FGD5: variants seen among roughly 807,000 people sequenced by gnomAD.
FGD5 encodes the protein FYVE, RhoGEF and PH domain containing 5.
Under a neutral mutation model 133.4 loss-of-function variants are expected in FGD5, and 28 were observed. The ratio of observed to expected loss-of-function variants is 0.21; its 90% confidence interval spans 0.16 to 0.29. The LOEUF is 0.29. Among genes scored for constraint, FGD5 ranks in the 10% least tolerant of loss-of-function variants. The pLI is 1.00. For missense variants in FGD5, 1,858 were observed against 1,895.2 expected (o/e 0.98, Z 0.36); for synonymous variants, 810 against 776.5 (o/e 1.04, Z -0.72).
chr3:14,925,399 A>ACCT (rs139995887), intron 17 of FGD5, among the ~76,000 whole-genome samples: 3,283 of 152,268 alleles, frequency 0.022, 116 homozygotes, highest in African/African-American at 0.073. Context: ...ATATGTATAA[A>ACCT]CCTCACATTT....
At position 14,821,421 on chromosome 3, in the gene FGD5, T is replaced by C; in HGVS notation, c.2350T>C (p.Tyr784His). 1 of 1,614,000 alleles carries C rather than the reference T, an allele frequency of 6.2e-7. No homozygotes were observed. The highest frequency in any genetic ancestry group is 1.1e-5 in the South Asian group (1 of 91,086). ...GAACATTCCAGCCATGAACTCGGAC[T>C]ATGAGAATATCCAGATTCCACCCCG... ...YENIPAMNSD[Y>H]ENIQIPPRRP... The change falls in exon 1 of 20, where the codon TAT becomes CAT. Residue 784 changes from tyrosine to histidine, a missense_variant. By Grantham distance (83) the Tyr-to-His change is moderately conservative. Coordinates refer to ENST00000285046, the MANE Select transcript of FGD5 (RefSeq NM_152536.4).
At chr3:14,875,580 C>G (rs898516579) in intron 2 of FGD5, among the ~76,000 whole-genome samples, 1 of 152,082 alleles carries the variant, frequency 6.6e-6, no homozygotes, top group Non-Finnish European at 1.5e-5. Context: ...TTTCTGTAAG[C>G]GCTGGGAGCC....
rs1248246525 is a variant in FGD5, at chr3:14,819,462, C to A, written c.391C>A (p.Leu131Met). The stretch of plus-strand genomic sequence containing the variant: ...CCCTGCTGCTCCGGGTGCAGGAGCG[C>A]TGAGCAGGGAGGGTGAGGAAGGCAC... ...VAPAAPGAGA[L>M]SREGEEGTDL... Residue 131 changes from leucine to methionine, a missense_variant, in exon 1 of 20, where the codon CTG (leucine) becomes ATG (methionine). Leu to Met is a conservative substitution (Grantham distance 15). Around this residue, in one of 3 missense-constraint regions of FGD5, gnomAD observed 1,824 missense variants for 1,848.9 expected, o/e 0.99. Coordinates refer to ENST00000285046, the MANE Select transcript of FGD5 (RefSeq NM_152536.4). This position sits in a 1 kb window ranked among gnomAD's most constrained non-coding sequence, Gnocchi z 4.1. The A allele has an allele frequency of 6.4e-7, 1 of 1,550,806 alleles. No homozygotes were observed. Among genetic ancestry groups the A allele is most frequent in the African/African-American group, 1.4e-5 (1 of 72,984 alleles).
chr3:14,891,521 G>C (rs570235994), intron 4 of FGD5, among the ~76,000 whole-genome samples: 1 of 152,334 alleles, frequency 6.6e-6, no homozygotes, highest in East Asian at 1.9e-4. Context: ...GAGGGTTTCT[G>C]ACCTTCACGT....
chr3:14,908,949 T>TATTTATTTATTC (rs1553630948), intron 10 of FGD5, among the ~76,000 whole-genome samples: 1 of 141,024 alleles, frequency 7.1e-6, no homozygotes, highest in Non-Finnish European at 1.6e-5. Context: ...TTTATTTATT[T>TATTTATTTATTC]ATTCATTCAT....
intron 1 of FGD5, among the ~76,000 whole-genome samples, chr3:14,832,232 T>C (rs376890752): frequency 3.3e-5 from 5 of 152,200 alleles, no homozygotes; most frequent in Admixed American, 2.6e-4. Flanking sequence ...CCTTGTACTT[T>C]CTGCTGGGAG....
intron 17 of FGD5, 96 bp from the exon 18 acceptor site, chr3:14,925,974 C>T: frequency 6.6e-7 from 1 of 1,509,694 alleles, no homozygotes; most frequent in Non-Finnish European, 8.9e-7. Context: ...TATAAGTAGT[C>T]AGCCAAATGG....
intron 1 of FGD5, among the ~76,000 whole-genome samples, chr3:14,853,471 C>T (rs957661339): frequency 6.6e-6 from 1 of 151,196 alleles, no homozygotes; most frequent in African/African-American, 2.4e-5. Context: ...CCCCCTTCCC[C>T]TCCCTGCTGG....
At chr3:14,817,427 C>T (rs959623099), upstream of FGD5, among the ~76,000 whole-genome samples, 1 of 152,182 alleles carries the variant, frequency 6.6e-6, no homozygotes, top group African/African-American at 2.4e-5. Flanking sequence ...AACTCCTGAC[C>T]TCAAGTGATC....
chr3:14,918,697 G>C (rs2117776), intron 12 of FGD5, 57 bp from the exon 13 acceptor site: 5 of 1,545,220 alleles, frequency 3.2e-6, no homozygotes, highest in Non-Finnish European at 4.5e-6. Flanking sequence ...AGGAGAAGCC[G>C]GTCTACACTT....
intron 1 of FGD5, among the ~76,000 whole-genome samples, chr3:14,842,902 C>A (rs60573957): frequency 3.9e-5 from 6 of 151,934 alleles, no homozygotes; most frequent in African/African-American, 1.5e-4. Flanking sequence ...AAACCCTGGC[C>A]CCTCTGTCTG....
chr3:14,837,260 G>A (rs992679623), intron 1 of FGD5, among the ~76,000 whole-genome samples: 1 of 152,214 alleles, frequency 6.6e-6, no homozygotes, highest in African/African-American at 2.4e-5. Context: ...GGAGGCTGCT[G>A]TCTCCATGGC....
chr3:14,857,748 A>C (rs1268703846), intron 1 of FGD5, among the ~76,000 whole-genome samples: 1 of 152,080 alleles, frequency 6.6e-6, no homozygotes, highest in Admixed American at 6.5e-5. Context: ...CATTGTTCTG[A>C]TGGGCTATTC....
Position 14,910,897 on chromosome 3 carries a change from G to A in FGD5, c.3373G>A (p.Gly1125Arg). 1 of 1,613,470 alleles carries A rather than the reference G, an allele frequency of 6.2e-7. No individual in the cohort carries two copies. The highest frequency in any genetic ancestry group is 8.5e-7 in the Non-Finnish European group (1 of 1,179,678). The change falls in exon 11 of 20, where the codon GGG becomes AGG. Residue 1125 changes from glycine to arginine, a missense_variant. Coordinates refer to ENST00000285046, the MANE Select transcript of FGD5 (RefSeq NM_152536.4). Reference sequence around the variant, plus strand: ...GGAAGGGACGCTGATGAAAGTAACAGGGAAAAACAGACGGCCCCGGCACCT... The same window carrying A: ...GGAAGGGACGCTGATGAAAGTAACAAGGAAAAACAGACGGCCCCGGCACCT... ...LKEGTLMKVT[G>R]KNRRPRHLFL...
chr3:14,912,016 A>T (rs1178908114), intron 11 of FGD5, among the ~76,000 whole-genome samples: 1 of 151,964 alleles, frequency 6.6e-6, no homozygotes, highest in African/African-American at 2.4e-5. Flanking sequence ...GCCTAAGCAG[A>T]GGATAGAGGC....
At chr3:14,822,424 A>G (rs2036522220) in intron 1 of FGD5, among the ~76,000 whole-genome samples, 1 of 152,306 alleles carries the variant, frequency 6.6e-6, no homozygotes, top group Non-Finnish European at 1.5e-5. Flanking sequence ...TAAATTGTTT[A>G]AAGAGCTGAT....
At chr3:14,811,851 A>G (rs968538313) in intron 1 of FGD5, among the ~76,000 whole-genome samples, 5 of 152,130 alleles carry the variant, frequency 3.3e-5, no homozygotes, top group Admixed American at 1.3e-4. Flanking sequence ...CCAAGGAGCA[A>G]TCACCACTCT....
chr3:14,905,189 G>A lies in FGD5; in HGVS notation c.3265-2451G>A, dbSNP rs545027298. 4.6e-5 allele frequency among the ~76,000 whole-genome samples: 7 copies of A among 152,130 alleles called. No individual in the cohort carries two copies. In the South Asian group the frequency reaches 1.2e-3, roughly 27 times the overall value. On this transcript the variant is annotated intron_variant, in intron 9 of 19. Coordinates refer to ENST00000285046, the MANE Select transcript of FGD5 (RefSeq NM_152536.4). ...AAACCTGGATGGACAGTTTTTCTTT[G>A]CTGCCACTCCACTGTCTTCTGGTGT...
chr3:14,913,945 T>TCC (rs76596913), intron 11 of FGD5, among the ~76,000 whole-genome samples: 3 of 151,014 alleles, frequency 2.0e-5, no homozygotes, highest in African/African-American at 4.9e-5. Flanking sequence ...TTCCCCACAC[T>TCC]CCCCCCGTCT....
Sources: allele counts gnomAD v4.1 joint callset (sites outside exome capture counted in the v4.1 genomes callset), GRCh38; gene constraint gnomAD v4.1.1; regional missense constraint gnomAD v4.1.1; non-coding constraint Gnocchi (gnomAD v3.1); transcripts MANE v1.5; gene names NCBI Gene and HGNC (gene_info 2026-07-23, HGNC 2026-07-21).